The following LSAMP variants were observed in gnomAD, a reference collection of about 807,000 sequenced individuals.
The protein encoded by LSAMP is limbic system-associated membrane protein.
A neutral mutation model predicts 38.6 loss-of-function variants in LSAMP; 7 were observed. The ratio of observed to expected loss-of-function variants is 0.18; its 90% CI spans 0.10 to 0.34. The LOEUF is 0.34. Ranked by LOEUF, LSAMP falls within the 10% of genes least tolerant of loss-of-function variation. The pLI is 1.00. For missense variants in LSAMP, 313 were observed against 420.0 expected (o/e 0.75, Z 2.23); for synonymous variants, 154 against 166.8 (o/e 0.92, Z 0.59).
intron 3 of LSAMP, among the ~76,000 whole-genome samples, chr3:115,996,224 A>T (rs1043060279): frequency 6.6e-6 from 1 of 152,142 alleles, no homozygotes; most frequent in Non-Finnish European, 1.5e-5. Context: ...AAGAATAACC[A>T]ATTAAAATAG....
intron 1 of LSAMP, among the ~76,000 whole-genome samples, chr3:116,380,409 T>C (rs2048543761): frequency 6.6e-6 from 1 of 152,036 alleles, no homozygotes; most frequent in Non-Finnish European, 1.5e-5. Context: ...TTATGTCCTA[T>C]ATTTCCTTTA....
chr3:116,396,372 A>G (rs2048767783), intron 1 of LSAMP, among the ~76,000 whole-genome samples: 1 of 152,080 alleles, frequency 6.6e-6, no homozygotes, highest in South Asian at 2.1e-4. Context: ...CTTTTTTGTA[A>G]CTACTAAAAT....
At chr3:115,981,589 A>T (rs985875987) in intron 3 of LSAMP, among the ~76,000 whole-genome samples, 13 of 152,218 alleles carry the variant, frequency 8.5e-5, no homozygotes, top group Admixed American at 6.5e-4. Flanking sequence ...TACTAGTCAC[A>T]TGAAATGAAT....
chr3:116,224,752 G>A (rs1038450952), intron 1 of LSAMP, among the ~76,000 whole-genome samples: 1 of 152,140 alleles, frequency 6.6e-6, no homozygotes, highest in African/African-American at 2.4e-5. Flanking sequence ...CATGGAAGCC[G>A]TAGTTCTTGA....
chr3:116,439,331 T>A (rs77230109), intron 1 of LSAMP, among the ~76,000 whole-genome samples: 8,500 of 151,246 alleles, frequency 0.056, 269 homozygotes, highest in Non-Finnish European at 0.068. Flanking sequence ...TTTTTTTTTT[T>A]AATGCAACTA....
intron 1 of LSAMP, among the ~76,000 whole-genome samples, chr3:116,107,716 C>G (rs893755825): frequency 5.3e-5 from 8 of 152,090 alleles, no homozygotes; most frequent in Admixed American, 2.0e-4. Flanking sequence ...ATTTGCTGAG[C>G]CTGATGGGTG....
At chr3:116,315,302 T>A (rs777886571) in intron 1 of LSAMP, among the ~76,000 whole-genome samples, 3 of 152,168 alleles carry the variant, frequency 2.0e-5, no homozygotes, top group African/African-American at 4.8e-5. Flanking sequence ...AGGGGTCCAG[T>A]CTTATGTACA....
intron 1 of LSAMP, among the ~76,000 whole-genome samples, chr3:116,296,364 C>G (rs1035712345): frequency 2.0e-5 from 3 of 152,168 alleles, no homozygotes; most frequent in Middle Eastern, 3.4e-3. Context: ...TTTGTTCAAG[C>G]AAGGGAGTGT....
intron 6 of LSAMP, among the ~76,000 whole-genome samples, chr3:115,830,242 T>C (rs2107481717): frequency 6.6e-6 from 1 of 152,262 alleles, no homozygotes. Context: ...TCTGTGTGAG[T>C]TGGGCATACA....
intron 1 of LSAMP, among the ~76,000 whole-genome samples, chr3:116,406,981 G>A (rs1329629043): frequency 1.3e-5 from 2 of 151,998 alleles, no homozygotes; most frequent in African/African-American, 4.8e-5. Context: ...TAATTCTTAA[G>A]CCACCTGTCT....
intron 3 of LSAMP, among the ~76,000 whole-genome samples, chr3:115,992,235 A>C (rs1428747459): frequency 6.6e-6 from 1 of 152,040 alleles, no homozygotes; most frequent in Non-Finnish European, 1.5e-5. Flanking sequence ...TGTGATACAG[A>C]TGAGGACCCA....
chr3:116,187,165 A>T (rs1413281459), intron 1 of LSAMP, among the ~76,000 whole-genome samples: 1 of 152,108 alleles, frequency 6.6e-6, no homozygotes, highest in Non-Finnish European at 1.5e-5. Context: ...CATATTGCAC[A>T]TGGTGCACAG....
chr3:115,848,553 T>C (rs556733932), intron 4 of LSAMP, among the ~76,000 whole-genome samples: 4 of 152,300 alleles, frequency 2.6e-5, no homozygotes, highest in South Asian at 2.1e-4. Context: ...CCAGTCCCAA[T>C]TGGGTATTCT....
At chr3:116,112,273 A>G (rs1048934085) in intron 1 of LSAMP, among the ~76,000 whole-genome samples, 12 of 152,166 alleles carry the variant, frequency 7.9e-5, no homozygotes, top group African/African-American at 2.9e-4. Flanking sequence ...TCATGTTTTT[A>G]ATAATAAAGA....
chr3:115,820,507 T>A (rs1934195705), intron 6 of LSAMP, among the ~76,000 whole-genome samples: 1 of 152,184 alleles, frequency 6.6e-6, no homozygotes, highest in Non-Finnish European at 1.5e-5. Context: ...TGATTTAATA[T>A]TAGGAAAGGC....
intron 1 of LSAMP, among the ~76,000 whole-genome samples, chr3:116,159,300 T>C (rs949750026): frequency 6.6e-6 from 1 of 152,122 alleles, no homozygotes; most frequent in African/African-American, 2.4e-5. Flanking sequence ...TAAGAAACTA[T>C]CAACAGAGTA....
At chr3:116,055,496 G>A (rs1941475301) in intron 2 of LSAMP, among the ~76,000 whole-genome samples, 1 of 152,192 alleles carries the variant, frequency 6.6e-6, no homozygotes, top group African/African-American at 2.4e-5. Context: ...TTCTCTAGAA[G>A]TAAGACTTGA....
chr3:115,918,052 G>A (rs796356711), intron 3 of LSAMP, among the ~76,000 whole-genome samples: 9 of 152,288 alleles, frequency 5.9e-5, no homozygotes, highest in African/African-American at 2.2e-4. Flanking sequence ...GTGGGCAGGG[G>A]TCAGGTCAGG....
chr3:116,323,132 A>C (rs1381237902), intron 1 of LSAMP, among the ~76,000 whole-genome samples: 1 of 152,150 alleles, frequency 6.6e-6, no homozygotes, highest in African/African-American at 2.4e-5. Context: ...ATTCAGAATG[A>C]GCAGGAATTA....
Sources: gnomAD v4.1 joint callset for allele counts (sites outside exome capture counted in the v4.1 genomes callset) on GRCh38, gnomAD v4.1.1 for gene constraint, MANE v1.5 for transcripts, NCBI Gene and HGNC (gene_info 2026-07-23, HGNC 2026-07-21) for gene names.